Variants in TJP1 observed in about 807,000 individuals in gnomAD.
TJP1 encodes the protein tight junction protein ZO-1.
A neutral mutation model predicts 194.2 loss-of-function variants in TJP1; 43 were observed. The observed-to-expected ratio is 0.22, with a 90% confidence interval of 0.17 to 0.29. The LOEUF (loss-of-function observed/expected upper bound fraction) is 0.29. Ranked by LOEUF, TJP1 falls within the 10% of genes least tolerant of loss-of-function variation. The probability of loss-of-function intolerance (pLI) is 1.00; values close to 1 mark genes in which losing one functional copy is unlikely to be tolerated. For missense variants in TJP1, 1,971 were observed against 2,185.7 expected, an observed-to-expected ratio of 0.90 and a Z score of 1.96; for synonymous variants, 801 against 779.0, an observed-to-expected ratio of 1.03 and a Z score of -0.47.
At chr15:29,709,590 T>C (rs2042115124) in intron 24 of TJP1, among the ~76,000 whole-genome samples, 2 of 152,184 alleles carry the variant, frequency 1.3e-5, no homozygotes, top group Non-Finnish European at 1.5e-5. Flanking sequence ...TATAGTAATA[T>C]AATTTTCCAC....
At chr15:29,959,466 T>G (rs561184085) in intron 1 of TJP1, among the ~76,000 whole-genome samples, 11 of 152,224 alleles carry the variant, frequency 7.2e-5, no homozygotes, top group African/African-American at 2.7e-4. Flanking sequence ...TGATTTTTAA[T>G]GTCTACTTAC....
rs1330543801 is a variant in TJP1, at chr15:29,735,603, AAAAG to A, written c.1408-1225_1408-1222del. Among the ~76,000 whole-genome samples, 1,085 of 151,816 alleles carry A rather than the reference AAAAG, an allele frequency of 7.1e-3. 16 individuals are homozygous for A. The highest frequency in any genetic ancestry group is 0.025 in the African/African-American group (1,019 of 41,336). On this transcript the variant is annotated intron_variant, in intron 11 of 27. Transcript: ENST00000614355. ...CTGTCTCAAGGAAAAAAAAAAAAAA[AAAAG>A]AAAGAAACGTTTAAAAAAATGTATG...
chr15:29,928,056 C>T (rs578118805), intron 2 of TJP1, among the ~76,000 whole-genome samples: 2 of 151,436 alleles, frequency 1.3e-5, no homozygotes, highest in East Asian at 2.0e-4. Context: ...TACATTTTTT[C>T]AATCTTTAGA....
At chr15:29,917,189 C>A (rs1364813305) in intron 2 of TJP1, among the ~76,000 whole-genome samples, 1 of 152,164 alleles carries the variant, frequency 6.6e-6, no homozygotes, top group Admixed American at 6.5e-5. Context: ...GTTTTAGATG[C>A]CGACTCCACA....
In TJP1 at chr15:29,701,121, A is replaced by G. The variant is rs1018519970; in HGVS notation, c.*474T>C. ...CTTGCTGTACATTTCTGTTAAATCC[A>G]CAACACTGGTTATATATTCCAGGTG... On this transcript the variant is annotated 3_prime_UTR_variant, in exon 28 of 28. Transcript: ENST00000614355. 1.9e-5 allele frequency: 3 copies of G among 154,538 alleles called. No individual in the cohort carries two copies. In the East Asian group the frequency reaches 5.7e-4, roughly 29 times the overall value. The allele number at this position is 154,538 out of a possible 1,614,324, so 9.6% of individuals were successfully genotyped here.
intron 1 of TJP1, among the ~76,000 whole-genome samples, chr15:29,818,392 A>C (rs963858276): frequency 2.6e-5 from 4 of 152,228 alleles, no homozygotes; most frequent in Admixed American, 2.6e-4. Flanking sequence ...GACGCAGAGA[A>C]CCACCCTAAT....
chr15:29,841,525 A>G (rs966991448), intron 2 of TJP1, among the ~76,000 whole-genome samples: 4 of 152,156 alleles, frequency 2.6e-5, no homozygotes, highest in South Asian at 2.1e-4. Flanking sequence ...TATATGCTAT[A>G]ATTTTACTTT....
In TJP1 at chr15:29,703,696, G is replaced by A. The variant is rs2041704666; in HGVS notation, c.5212+466C>T. Among the ~76,000 whole-genome samples the A allele has an allele frequency of 2.0e-5, 3 of 152,028 alleles. No homozygotes were observed. The East Asian group carries it at 5.9e-4, about 30-fold the overall frequency. On this transcript the variant is annotated intron_variant, in intron 27 of 27. Coordinates refer to ENST00000614355, the MANE Select transcript of TJP1 (RefSeq NM_001330239.4). ...CTCGCTCTGTTGCCCAGGCTGGAGT[G>A]CAGTGGCACGATCTTGGCTCACTGC...
intron 2 of TJP1, among the ~76,000 whole-genome samples, chr15:29,949,348 CACCACCTCCACCACA>C (rs2055449052): frequency 1.4e-5 from 2 of 140,572 alleles, no homozygotes; most frequent in East Asian, 2.4e-4. Context: ...CCTCCACCAC[CACCACCTCCACCACA>C]ACCATCTTCA....
chr15:29,906,467 C>CT (rs1215317504), intron 2 of TJP1, among the ~76,000 whole-genome samples: 5 of 35,608 alleles, frequency 1.4e-4, no homozygotes, highest in Admixed American at 7.2e-4. Context: ...GACTCCGTCT[C>CT]AAAATAAATA....
rs11292309 is a variant in TJP1 at position 29,890,801 on chromosome 15, T to TAA, written c.306+65429_306+65430dup. On this transcript the variant is annotated intron_variant, in intron 2 of 28. Coordinates refer to the TJP1 transcript ENST00000356107. Reference sequence around the variant, plus strand: ...ATTTCACTACATCTACATCTACTGTTAAAAAAAAAAAAATAGAATCATCAG... The same window carrying TAA: ...ATTTCACTACATCTACATCTACTGTTAAAAAAAAAAAAAAATAGAATCATCAG... Among the ~76,000 whole-genome samples the TAA allele has an allele frequency of 7.2e-3, 1,062 of 148,438 alleles. 12 individuals are homozygous for TAA. The highest frequency in any genetic ancestry group is 6.1e-3 in the Non-Finnish European group (407 of 66,992).
intron 2 of TJP1, among the ~76,000 whole-genome samples, chr15:29,919,544 T>C (rs1002045126): frequency 6.6e-6 from 1 of 152,192 alleles, no homozygotes; most frequent in Non-Finnish European, 1.5e-5. Flanking sequence ...TTAGGTAATG[T>C]CCTATGAGGA....
At chr15:29,758,558 G>A (rs1474981623) in intron 8 of TJP1, among the ~76,000 whole-genome samples, 1 of 152,086 alleles carries the variant, frequency 6.6e-6, no homozygotes, top group African/African-American at 2.4e-5. Flanking sequence ...TAAACTAATG[G>A]CCCAACATTT....
At chr15:29,949,465 CACCACCACCTCCACA>C (rs2055481348) in intron 2 of TJP1, among the ~76,000 whole-genome samples, 5 of 125,154 alleles carry the variant, frequency 4.0e-5, no homozygotes, top group South Asian at 2.5e-4. Context: ...CCACTTCCAC[CACCACCACCTCCACA>C]ACCACCACCT....
At chr15:29,760,247 T>C in intron 8 of TJP1, 1 of 702,332 alleles carries the variant, frequency 1.4e-6, no homozygotes, top group Non-Finnish European at 2.6e-6. Context: ...TATGTGCACA[T>C]GCACATTTTT....
chr15:29,754,372 G>C (rs1030928018), intron 8 of TJP1, among the ~76,000 whole-genome samples: 1 of 152,158 alleles, frequency 6.6e-6, no homozygotes, highest in South Asian at 2.1e-4. Flanking sequence ...CTACTTGAGG[G>C]GGGAGGGTAG....
chr15:29,699,468 T>C (rs891820730), downstream of TJP1: 10 of 152,130 alleles, frequency 6.6e-5, no homozygotes, highest in Admixed American at 6.5e-4. Context: ...TATAAAGGGG[T>C]ACAAATGATT....
At chr15:29,863,930 C>A (rs186292387) in intron 2 of TJP1, among the ~76,000 whole-genome samples, 1 of 152,132 alleles carries the variant, frequency 6.6e-6, no homozygotes, top group African/African-American at 2.4e-5. Context: ...TTCTTTCCTG[C>A]TGAAGCTTTG....
chr15:29,870,719 G>A (rs1177911374), intron 2 of TJP1, among the ~76,000 whole-genome samples: 1 of 152,094 alleles, frequency 6.6e-6, no homozygotes, highest in Non-Finnish European at 1.5e-5. Flanking sequence ...GTCCCTGCAG[G>A]GATGTTAGGA....
Sources: allele counts gnomAD v4.1 joint callset (sites outside exome capture counted in the v4.1 genomes callset), GRCh38; gene constraint gnomAD v4.1.1; transcripts MANE v1.5; gene names NCBI Gene and HGNC (gene_info 2026-07-23, HGNC 2026-07-21).